Variants in HKDC1 observed in about 807,000 individuals in gnomAD.
HKDC1 encodes hexokinase domain containing 1, also known as hexokinase HKDC1.
A neutral mutation model predicts 96.6 loss-of-function variants in HKDC1; 66 were observed. That is an observed-to-expected ratio of 0.68 (90% CI 0.56 to 0.84). The LOEUF (loss-of-function observed/expected upper bound fraction) is 0.84. Among genes scored for constraint, HKDC1 ranks in the 40% least tolerant of loss-of-function variants. The pLI is 0.00. For synonymous variants in HKDC1, 466 were observed against 473.1 expected, an observed-to-expected ratio of 0.98 and a Z score of 0.20; for missense variants, 1,211 against 1,208.1, an observed-to-expected ratio of 1.00 and a Z score of -0.04.
Position 69,248,436 on chromosome 10 carries a change from C to G in HKDC1, c.1278C>G (p.Arg426=). ...LYKIHPQYPK[R]LHKVVRKLVP... ...ACCCCTGCTTCAGGTACCCAAAACG[C>G]CTGCACAAGGTGGTGAGGAAACTGG... is the stretch of plus-strand genomic sequence containing the variant. Residue 426 remains arginine (R), a synonymous_variant, in exon 10 of 18, where the codon CGC becomes CGG. Coordinates refer to ENST00000354624, the MANE Select transcript of HKDC1 (RefSeq NM_025130.4). 1 of 1,559,900 alleles carries G rather than the reference C, an allele frequency of 6.4e-7. No individual in the cohort carries two copies. Among genetic ancestry groups the G allele is most frequent in the Non-Finnish European group, 8.7e-7 (1 of 1,150,746 alleles).
intron 12 of HKDC1, among the ~76,000 whole-genome samples, chr10:69,253,979 CAAT>C (rs1843682509): frequency 1.3e-5 from 2 of 152,118 alleles, no homozygotes; most frequent in South Asian, 4.1e-4. Flanking sequence ...GAGCTCAGGA[CAAT>C]AATAAGGGTA....
chr10:69,248,381 G>A (rs1413136060), intron 9 of HKDC1, 43 bp from the exon 10 acceptor site: 3 of 1,524,708 alleles, frequency 2.0e-6, no homozygotes, highest in African/African-American at 2.8e-5. Flanking sequence ...CCTGAGCCTG[G>A]CCTTTATGAT....
intron 2 of HKDC1, among the ~76,000 whole-genome samples, chr10:69,228,268 CCTT>C (rs1485843144): frequency 6.6e-6 from 1 of 152,160 alleles, no homozygotes; most frequent in African/African-American, 2.4e-5. Context: ...TCTGACCTGA[CCTT>C]CTGCCTCCTT....
chr10:69,252,826 CA>C (rs762845180), intron 12 of HKDC1, among the ~76,000 whole-genome samples: 1 of 151,608 alleles, frequency 6.6e-6, no homozygotes, highest in East Asian at 1.9e-4. Flanking sequence ...AAAACAAAAA[CA>C]AAAACAAAAA....
intron 16 of HKDC1, 139 bp downstream of exon 16, chr10:69,261,433 C>G (rs1843809253): frequency 1.0e-5 from 7 of 695,770 alleles, no homozygotes; most frequent in African/African-American, 3.6e-5. Flanking sequence ...GGCTGCTCTT[C>G]TCTTTCCAAC....
intron 9 of HKDC1, among the ~76,000 whole-genome samples, chr10:69,247,954 A>T (rs957886299): frequency 6.6e-6 from 1 of 152,134 alleles, no homozygotes; most frequent in African/African-American, 2.4e-5. Flanking sequence ...AGTAAGATAC[A>T]CCTAGTCATA....
intron 17 of HKDC1, among the ~76,000 whole-genome samples, chr10:69,266,398 G>A (rs970822721): frequency 9.2e-5 from 14 of 151,922 alleles, no homozygotes; most frequent in African/African-American, 3.4e-4. Context: ...GGGAACTCGA[G>A]GCTGCAGTGG....
At chr10:69,227,500 CCT>C in intron 2 of HKDC1, 131 bp downstream of exon 2, 1 of 952,438 alleles carries the variant, frequency 1.0e-6, no homozygotes, top group Non-Finnish European at 1.6e-6. Context: ...CCTCCCTGCC[CCT>C]CTCTGCTTCA....
chr10:69,237,297 G>C (rs926911665), intron 4 of HKDC1, among the ~76,000 whole-genome samples: 14 of 151,682 alleles, frequency 9.2e-5, no homozygotes, highest in East Asian at 3.9e-4. Flanking sequence ...GTGTGTGTGT[G>C]TGTGTGTGTG....
intron 14 of HKDC1, among the ~76,000 whole-genome samples, 176 bp downstream of exon 14, chr10:69,257,602 G>A (rs139345639): frequency 1.3e-3 from 205 of 152,200 alleles, no homozygotes; most frequent in Non-Finnish European, 2.6e-3. Flanking sequence ...AGAGTCCTAA[G>A]CCAAGGTCAT....
intron 2 of HKDC1, 131 bp downstream of exon 2, chr10:69,227,500 C>T (rs1843179340): frequency 4.2e-6 from 4 of 952,438 alleles, no homozygotes; most frequent in Middle Eastern, 2.3e-4. Flanking sequence ...CCTCCCTGCC[C>T]CTCTCTGCTT....
chr10:69,240,605 A>T, intron 5 of HKDC1, 47 bp from the exon 6 acceptor site: 1 of 1,487,952 alleles, frequency 6.7e-7, no homozygotes, highest in Non-Finnish European at 9.4e-7. Context: ...AGGGAGGGAA[A>T]CACCTCCTTC....
chr10:69,265,727 G>A lies in HKDC1; in HGVS notation c.2515G>A (p.Ala839Thr), dbSNP rs143037840. ...AAQLCGAGLA[A>T]IVEKRREDQG... ...CCAGCTCTGCGGTGCTGGCCTGGCC[G>A]CTATAGTGGAAAAAAGGAGAGAAGA... Residue 839 changes from alanine (A) to threonine (T), a missense_variant, in exon 17 of 18, where the codon GCT becomes ACT. Transcript: ENST00000354624. 292 of 1,613,326 alleles carry A rather than the reference G, an allele frequency of 1.8e-4. No individual in the cohort carries two copies. The highest frequency in any genetic ancestry group is 5.0e-4 in the Middle Eastern group (3 of 6,056).
intron 1 of HKDC1, among the ~76,000 whole-genome samples, chr10:69,220,730 T>A (rs756877264): frequency 2.0e-5 from 3 of 152,164 alleles, no homozygotes; most frequent in African/African-American, 7.2e-5. Flanking sequence ...TGGCAGGTAT[T>A]GGATGCGGAA....
intron 1 of HKDC1, among the ~76,000 whole-genome samples, chr10:69,221,759 C>G (rs1843069466): frequency 6.6e-6 from 1 of 151,488 alleles, no homozygotes; most frequent in South Asian, 2.1e-4. Flanking sequence ...ATGGAGCAAC[C>G]CCATCTCTAC....
chr10:69,225,361 A>C (rs1589400816), intron 1 of HKDC1, among the ~76,000 whole-genome samples: 1 of 152,168 alleles, frequency 6.6e-6, no homozygotes, highest in Admixed American at 6.5e-5. Context: ...CGTCCTTTGC[A>C]TCCAGTTTTC....
chr10:69,265,926 C>G, intron 17 of HKDC1, 108 bp downstream of exon 17: 1 of 789,214 alleles, frequency 1.3e-6, no homozygotes, highest in Non-Finnish European at 2.1e-6. Flanking sequence ...CATCCCCGTC[C>G]TTTTATGGGA....
intron 2 of HKDC1, 88 bp downstream of exon 2, chr10:69,227,457 C>T: frequency 7.0e-7 from 1 of 1,421,930 alleles, no homozygotes; most frequent in East Asian, 2.4e-5. Flanking sequence ...TGTACCTTGG[C>T]TTCTCTCTCT....
intron 4 of HKDC1, among the ~76,000 whole-genome samples, chr10:69,238,204 A>G (rs1179913153): frequency 6.6e-6 from 1 of 152,186 alleles, no homozygotes; most frequent in East Asian, 1.9e-4. Context: ...TCAGGCTCCC[A>G]AGTAGCTGGG....
Sources: gnomAD v4.1 joint callset for allele counts (sites outside exome capture counted in the v4.1 genomes callset) on GRCh38, gnomAD v4.1.1 for gene constraint, MANE v1.5 for transcripts, NCBI Gene and HGNC (gene_info 2026-07-23, HGNC 2026-07-21) for gene names.